RAB11FIP3: variants seen among roughly 807,000 people sequenced by gnomAD.
The protein encoded by RAB11FIP3 is rab11 family-interacting protein 3.
RAB11FIP3 carries 17 observed loss-of-function variants against 77.8 expected under a neutral mutation model. The observed-to-expected ratio is 0.22, with a 90% CI of 0.15 to 0.33. The LOEUF is 0.33. Ranked by LOEUF, RAB11FIP3 falls within the 10% of genes least tolerant of loss-of-function variation. The pLI, the probability that RAB11FIP3 is intolerant of heterozygous loss-of-function variation, is 1.00. For synonymous variants in RAB11FIP3, 437 were observed against 448.2 expected (o/e 0.98, Z 0.31); for missense variants, 1,005 against 1,011.2 (o/e 0.99, Z 0.08).
chr16:443,035 C>T (rs2055252441), intron 1 of RAB11FIP3, among the ~76,000 whole-genome samples: 1 of 152,128 alleles, frequency 6.6e-6, no homozygotes, highest in African/African-American at 2.4e-5. Context: ...ATGGCTTATT[C>T]TGTCTGGTGA....
rs1378767915 is a variant in RAB11FIP3, at chr16:506,245, G to GC, written c.1499+620dup. On this transcript the variant is annotated intron_variant, in intron 8 of 13. Coordinates refer to ENST00000262305, the MANE Select transcript of RAB11FIP3 (RefSeq NM_014700.4). The surrounding 1 kb of genome is among the most constrained non-coding windows in gnomAD (Gnocchi z 4.5). The stretch of plus-strand genomic sequence containing the variant: ...TCTCGGTGTTTTTCACACGAGGCAC[G>GC]CCATGTTGTCTCATAGCCGATTTGC... Among the ~76,000 whole-genome samples the GC allele has an allele frequency of 2.0e-5, 3 of 149,268 alleles. No individual in the cohort carries two copies. The highest frequency in any genetic ancestry group is 4.5e-5 in the Non-Finnish European group (3 of 66,952).
chr16:491,246 C>T (rs561802172), intron 5 of RAB11FIP3: 2 of 1,304,858 alleles, frequency 1.5e-6, no homozygotes, highest in South Asian at 1.2e-5. Flanking sequence ...TTCTGCCCGC[C>T]TGAGTGATCT....
At position 482,625 on chromosome 16, in the gene RAB11FIP3, A is replaced by T. The variant is rs2056068183; in HGVS notation, c.1004A>T (p.Glu335Val). Reference protein sequence around the residue: ...DEDTSTLVHPELQPEGDADSA... With the variant: ...DEDTSTLVHPVLQPEGDADSA... ...GACACCAGCACCCTGGTGCACCCTG[A>T]GCTGCAACCTGAAGGGGACGCAGAC... Residue 335 changes from glutamate to valine, a missense_variant, in exon 4 of 14, where the codon GAG (glutamate) becomes GTG (valine). By Grantham distance (121) the Glu-to-Val change is moderately radical (BLOSUM62 -2). This residue lies in a region of RAB11FIP3 where 433 missense variants were observed against 436.1 expected (regional missense o/e 0.99). Transcript: ENST00000262305. 1 of 1,613,536 alleles carries T rather than the reference A, an allele frequency of 6.2e-7. No homozygotes were observed. The highest frequency in any genetic ancestry group is 1.3e-5 in the African/African-American group (1 of 75,066).
At chr16:450,563 G>A (rs1447499124) in intron 1 of RAB11FIP3, among the ~76,000 whole-genome samples, 2 of 152,144 alleles carry the variant, frequency 1.3e-5, no homozygotes, top group East Asian at 3.9e-4. Flanking sequence ...GCTTGAGGGT[G>A]TCCCCATGGG....
At chr16:432,607 T>C (rs2055056334) in intron 1 of RAB11FIP3, among the ~76,000 whole-genome samples, 1 of 144,020 alleles carries the variant, frequency 6.9e-6, no homozygotes, top group Admixed American at 6.9e-5. Flanking sequence ...TTTTTTTGTG[T>C]GTGTGTGTGT....
At position 520,235 on chromosome 16, in the gene RAB11FIP3, C is replaced by T. The variant is rs1267641347; in HGVS notation, c.1974C>T (p.Ala658=). 1 of 1,546,212 alleles carries T rather than the reference C, an allele frequency of 6.5e-7. No homozygotes were observed. Residue 658 remains alanine (A), a synonymous_variant, in exon 12 of 14, where the codon GCC becomes GCT. Coordinates refer to ENST00000262305, the MANE Select transcript of RAB11FIP3 (RefSeq NM_014700.4). ...GCCTGCAGGAGTACCACAGCCGCGC[C>T]CGGGAGAGCGAGCTGGAGCAGGAGG... ...SMGLQEYHSR[A]RESELEQEVR...
At position 521,654 on chromosome 16, in the gene RAB11FIP3, T is replaced by G. The variant is rs191660227; in HGVS notation, c.*815T>G. The G allele has an allele frequency of 1.3e-5, 2 of 152,300 alleles. No individual in the cohort carries two copies. Among genetic ancestry groups the G allele is most frequent in the Non-Finnish European group, 2.9e-5 (2 of 68,144 alleles). The allele number at this position is 152,300 out of a possible 1,614,324, so 9.4% of individuals were successfully genotyped here. A position where few individuals can be genotyped will look rare whatever the true frequency, so the allele number is the denominator to read the frequency against. The stretch of plus-strand genomic sequence containing the variant: ...ACCTGAGATGACCGCTGTGTGGCGC[T>G]CTCTCCCTGGGCAGGGTGGATGCCA... On this transcript the variant is annotated 3_prime_UTR_variant, in exon 14 of 14. Transcript: ENST00000262305.
chr16:492,487 T>C (rs868134970), intron 5 of RAB11FIP3, among the ~76,000 whole-genome samples: 389 of 24,090 alleles, frequency 0.016, 57 homozygotes, highest in African/African-American at 0.069. Context: ...CCCAGGGCCC[T>C]CCCGGGAGAC....
intron 1 of RAB11FIP3, among the ~76,000 whole-genome samples, chr16:460,834 G>A (rs1270852023): frequency 2.7e-5 from 4 of 150,628 alleles, no homozygotes; most frequent in African/African-American, 7.5e-5. Flanking sequence ...GGTTCATCAC[G>A]CCAGGTGCTG....
intron 1 of RAB11FIP3, among the ~76,000 whole-genome samples, chr16:458,738 G>T (rs966923794): frequency 1.3e-5 from 2 of 152,058 alleles, no homozygotes; most frequent in Admixed American, 6.6e-5. Context: ...AGTCCAGCCC[G>T]CCACCCAAGA....
At position 520,454 on chromosome 16, in the gene RAB11FIP3, T is replaced by A. The variant is rs11863276; in HGVS notation, c.2017-5T>A. The A allele has an allele frequency of 6.2e-7, 1 of 1,613,002 alleles. No individual in the cohort carries two copies. Among genetic ancestry groups the A allele is most frequent in the Non-Finnish European group, 8.5e-7 (1 of 1,179,902 alleles). ...AGCCCAGTAGTGATGTTGCTGTGCC[T>A]TCAGGACAACCGCAACCTGAAGGAG... On this transcript the variant is annotated splice_region_variant and splice_polypyrimidine_tract_variant and intron_variant, in intron 12 of 13. Coordinates refer to ENST00000262305, the MANE Select transcript of RAB11FIP3 (RefSeq NM_014700.4).
At chr16:453,967 A>G (rs1393599597) in intron 1 of RAB11FIP3, among the ~76,000 whole-genome samples, 1 of 152,098 alleles carries the variant, frequency 6.6e-6, no homozygotes, top group Non-Finnish European at 1.5e-5. Context: ...AGGAAAACTC[A>G]TATTATTCAG....
chr16:458,620 A>ACAGGGCCTGGGGGGCCTTCCTCAGG (rs2055548157), intron 1 of RAB11FIP3, among the ~76,000 whole-genome samples: 12 of 151,960 alleles, frequency 7.9e-5, no homozygotes, highest in Non-Finnish European at 1.0e-4. Context: ...ACCGATGCTC[A>ACAGGGCCTGGGGGGCCTTCCTCAGG]TCTGCCGTAA....
At chr16:460,142 G>C (rs548277912) in intron 1 of RAB11FIP3, among the ~76,000 whole-genome samples, 2 of 152,142 alleles carry the variant, frequency 1.3e-5, no homozygotes, top group African/African-American at 4.8e-5. Flanking sequence ...TTCTCACAGT[G>C]CTGGGGATTA....
rs1397490635 is a variant in RAB11FIP3 at position 520,266 on chromosome 16, A to C, written c.2005A>C (p.Arg669=). ...RESELEQEVR[R]LKQDNRNLKE... Reference sequence around the variant, plus strand: ...GAGCGAGCTGGAGCAGGAGGTCCGCAGGCTGAAGCAGGTGGGCAGGCCTGG... The same window carrying C: ...GAGCGAGCTGGAGCAGGAGGTCCGCCGGCTGAAGCAGGTGGGCAGGCCTGG... Residue 669 remains arginine, a synonymous_variant, in exon 12 of 14, where the codon AGG becomes CGG. Coordinates refer to ENST00000262305, the MANE Select transcript of RAB11FIP3 (RefSeq NM_014700.4). 3 of 1,545,620 alleles carry C rather than the reference A, an allele frequency of 1.9e-6. No homozygotes were observed. The Admixed American group carries it at 5.8e-5, about 30-fold the overall frequency.
chr16:466,036 C>A (rs1338524557), intron 2 of RAB11FIP3, among the ~76,000 whole-genome samples: 1 of 152,138 alleles, frequency 6.6e-6, no homozygotes, highest in African/African-American at 2.4e-5. Context: ...TGTTACAACC[C>A]ATTTCCTCGG....
rs2031953786 is a variant in RAB11FIP3 at position 507,891 on chromosome 16, T to A, written c.1499+2264T>A. On this transcript the variant is annotated intron_variant, in intron 8 of 13. Transcript: ENST00000262305. This position sits in a 1 kb window ranked among gnomAD's most constrained non-coding sequence, Gnocchi z 4.6. ...CTCTAGCCCTACCATACAGCTGCCA[T>A]CCTAAGAGTACGTTTCCCGTTTTCA... Among the ~76,000 whole-genome samples, 1 of 151,978 alleles carries A rather than the reference T, an allele frequency of 6.6e-6. No homozygotes were observed. The highest frequency in any genetic ancestry group is 6.6e-5 in the Admixed American group (1 of 15,252).
rs75760634 is a variant in RAB11FIP3 at position 459,825 on chromosome 16, A to G, written c.715-1579A>G. On this transcript the variant is annotated intron_variant, in intron 1 of 13. Coordinates refer to ENST00000262305, the MANE Select transcript of RAB11FIP3 (RefSeq NM_014700.4). ...ATCAACCATTCACACATATTTTCTG[A>G]TGAAATTTCTATTTAAGTTTTTTGC... 1.4e-4 allele frequency among the ~76,000 whole-genome samples: 21 copies of G among 150,218 alleles called. No individual in the cohort carries two copies. In the East Asian group the frequency reaches 3.7e-3, roughly 27 times the overall value.
In RAB11FIP3 at chr16:461,468, A is replaced by G. The variant is rs1056990753; in HGVS notation, c.779A>G (p.Tyr260Cys). 3.7e-6 allele frequency: 6 copies of G among 1,613,800 alleles called. No homozygotes were observed. In the African/African-American group the frequency reaches 8.0e-5, roughly 22 times the overall value. The change falls in exon 2 of 14, where the codon TAC becomes TGC. Residue 260 changes from tyrosine to cysteine, a missense_variant. Physicochemically the swap from Tyr to Cys is radical, Grantham distance 194. Coordinates refer to ENST00000262305, the MANE Select transcript of RAB11FIP3 (RefSeq NM_014700.4). This position sits in a 1 kb window ranked among gnomAD's most constrained non-coding sequence, Gnocchi z 4.5. ...GLGVISFEDF[Y>C]QGITAIRNGD... ...GGCGTGATCAGCTTTGAAGACTTCTACCAAGGGATCACAGCCATCAGAAAC... is the reference window on the plus strand; with the variant it reads ...GGCGTGATCAGCTTTGAAGACTTCTGCCAAGGGATCACAGCCATCAGAAAC...
Sources: gnomAD v4.1 joint callset for allele counts (sites outside exome capture counted in the v4.1 genomes callset) on GRCh38, gnomAD v4.1.1 for gene constraint, gnomAD v4.1.1 regional missense constraint, Gnocchi (gnomAD v3.1) non-coding constraint, MANE v1.5 for transcripts, NCBI Gene and HGNC (gene_info 2026-07-23, HGNC 2026-07-21) for gene names.